The following ANKRD22 variants were observed in gnomAD, a reference collection of about 807,000 sequenced individuals.
ANKRD22 encodes ankyrin repeat domain-containing protein 22.
Under a neutral mutation model 25.7 loss-of-function variants are expected in ANKRD22, and 24 were observed. That is an observed-to-expected ratio of 0.93 (90% CI 0.68 to 1.31). The LOEUF is 1.31. Among genes scored for constraint, ANKRD22 ranks in the 50% most tolerant of loss-of-function variants. The pLI is 0.00. For missense variants in ANKRD22, 214 were observed against 227.1 expected (o/e 0.94, Z 0.37); for synonymous variants, 84 against 84.3 (o/e 1.00, Z 0.02).
At chr10:88,826,143 GCTTATTTACAAATAGTTTCT>G in intron 3 of ANKRD22, 28 bp from the exon 4 acceptor site, 2 of 1,553,268 alleles carry the variant, frequency 1.3e-6, no homozygotes, top group Non-Finnish European at 1.8e-6. Flanking sequence ...TATAAGAAAG[GCTTATTTACAAATAGTTTCT>G]CCAATTTATG....
rs1843858011 is a variant in ANKRD22, at chr10:88,826,542, C to A, written c.322-427G>T. Reference sequence around the variant, plus strand: ...TGGCCCTGCCCTGGCCTCTCTCTCACTCTGCGCCTCCTGGCTCACTCTGTT... The same window carrying A: ...TGGCCCTGCCCTGGCCTCTCTCTCAATCTGCGCCTCCTGGCTCACTCTGTT... On this transcript the variant is annotated intron_variant, in intron 3 of 5. Coordinates refer to ENST00000371930, the MANE Select transcript of ANKRD22 (RefSeq NM_144590.3). 2.0e-5 allele frequency among the ~76,000 whole-genome samples: 3 copies of A among 152,234 alleles called. No homozygotes were observed. In the South Asian group the frequency reaches 6.2e-4, roughly 31 times the overall value.
chr10:88,832,533 T>C lies in ANKRD22; in HGVS notation c.22-507A>G, dbSNP rs572628727. Among the ~76,000 whole-genome samples the C allele has an allele frequency of 2.6e-4, 39 of 152,038 alleles. No homozygotes were observed. In the South Asian group the frequency reaches 7.5e-3, roughly 29 times the overall value. On this transcript the variant is annotated intron_variant, in intron 1 of 5. Coordinates refer to ENST00000371930, the MANE Select transcript of ANKRD22 (RefSeq NM_144590.3). ...TCTTTATCTTTATCTTTACTAAAGA[T>C]AAAATGTCTTTATCTTTATCTTTAC...
In ANKRD22 at chr10:88,837,952, T is replaced by A. The variant is rs534411424; in HGVS notation, c.22-5926A>T. 2.0e-5 allele frequency among the ~76,000 whole-genome samples: 3 copies of A among 152,230 alleles called. No individual in the cohort carries two copies. In the South Asian group the frequency reaches 6.2e-4, roughly 32 times the overall value. On this transcript the variant is annotated intron_variant, in intron 1 of 5. Coordinates refer to ENST00000371930, the MANE Select transcript of ANKRD22 (RefSeq NM_144590.3). ...ATTGTGAGTCAATTAAACTTCTTCC[T>A]TTATAAATTACCCAGTCTTGGGTAT...
intron 3 of ANKRD22, among the ~76,000 whole-genome samples, chr10:88,828,282 T>G (rs1218553897): frequency 6.6e-6 from 1 of 152,220 alleles, no homozygotes; most frequent in Non-Finnish European, 1.5e-5. Context: ...AGAATTTTTT[T>G]GCTCCCTTCA....
rs1843811657 is a variant in ANKRD22, at chr10:88,822,653, G to A, written c.*288C>T. On this transcript the variant is annotated 3_prime_UTR_variant, in exon 6 of 6. Transcript: ENST00000371930. The stretch of plus-strand genomic sequence containing the variant: ...CCACCTCAGCCTCCCAAGTAGCTGG[G>A]ATTACAGGCATGTACCACTGTGCCT... The A allele has an allele frequency of 4.6e-6, 1 of 219,642 alleles. No homozygotes were observed. Among genetic ancestry groups the A allele is most frequent in the Admixed American group, 5.8e-5 (1 of 17,228 alleles). 13.6% of individuals were successfully genotyped at this position (219,642 alleles called of 1,614,324 possible). A position where few individuals can be genotyped will look rare whatever the true frequency, so the allele number is the denominator to read the frequency against.
intron 1 of ANKRD22, among the ~76,000 whole-genome samples, chr10:88,847,449 G>A (rs1300618602): frequency 6.6e-6 from 1 of 152,042 alleles, no homozygotes; most frequent in Non-Finnish European, 1.5e-5. Flanking sequence ...AGTAGAGACA[G>A]GGTTTCACCT....
intron 1 of ANKRD22, among the ~76,000 whole-genome samples, chr10:88,848,988 T>TTGTGTG (rs1844078522): frequency 6.9e-6 from 1 of 144,564 alleles, no homozygotes; most frequent in African/African-American, 2.5e-5. Context: ...AATTTTAAGT[T>TTGTGTG]TGTGTGTGTG....
chr10:88,832,363 T>C (rs532552056), intron 1 of ANKRD22, among the ~76,000 whole-genome samples: 2 of 152,228 alleles, frequency 1.3e-5, no homozygotes, highest in Admixed American at 6.5e-5. Flanking sequence ...AAAGCATTCA[T>C]TTTCTTTACT....
In ANKRD22 at chr10:88,851,721, C is replaced by A. The variant is rs1844106736; in HGVS notation, c.-114G>T. 2.3e-6 allele frequency: 3 copies of A among 1,278,748 alleles called. No homozygotes were observed. Among genetic ancestry groups the A allele is most frequent in the African/African-American group, 2.9e-5 (2 of 68,244 alleles). 79.2% of individuals were successfully genotyped at this position (1,278,748 alleles called of 1,614,324 possible). A position where few individuals can be genotyped will look rare whatever the true frequency, so the allele number is the denominator to read the frequency against. ...AGAGGAAAGTCCCTAGAAGTCCAAG[C>A]TGGTGGCAAGCTCCAGGAGTGCTTT... is the stretch of plus-strand genomic sequence containing the variant. On this transcript the variant is annotated 5_prime_UTR_variant, in exon 1 of 6. Coordinates refer to ENST00000371930, the MANE Select transcript of ANKRD22 (RefSeq NM_144590.3).
In ANKRD22 at chr10:88,820,590, T is replaced by C; in HGVS notation, c.*2351A>G. ...AGAATTACGGAGAGCAGAGACCTAG[T>C]ATACATTTTTCAGATTCCCTGCACT... On this transcript the variant is annotated 3_prime_UTR_variant, in exon 6 of 6. Coordinates refer to ENST00000371930, the MANE Select transcript of ANKRD22 (RefSeq NM_144590.3). 7.7e-7 allele frequency: 1 copy of C among 1,297,378 alleles called. No homozygotes were observed. The highest frequency in any genetic ancestry group is 1.0e-6 in the Non-Finnish European group (1 of 969,984). The allele number at this position is 1,297,378 out of a possible 1,614,324, so 80.4% of individuals were successfully genotyped here. A position where few individuals can be genotyped will look rare whatever the true frequency, so the allele number is the denominator to read the frequency against.
chr10:88,823,022 AG>A lies in ANKRD22; in HGVS notation c.499-5del, dbSNP rs757759127. On this transcript the variant is annotated splice_polypyrimidine_tract_variant and splice_region_variant and intron_variant, in intron 5 of 5. Transcript: ENST00000371930. ...TATCCAGTGAGCTCTCACCATGCTG[AG>A]GGGGGAAAAATATACAGTTATTTCC... 14 of 1,611,930 alleles carry A rather than the reference AG, an allele frequency of 8.7e-6. No individual in the cohort carries two copies. In the Admixed American group the frequency reaches 1.5e-4, roughly 17 times the overall value.
chr10:88,826,245 A>C, intron 3 of ANKRD22, 130 bp from the exon 4 acceptor site: 1 of 698,602 alleles, frequency 1.4e-6, no homozygotes, highest in Non-Finnish European at 2.3e-6. Context: ...CCTTCCTAAA[A>C]TTTCCCCCAG....
Position 88,831,906 on chromosome 10 carries a change from A to C in ANKRD22, c.142T>G (p.Cys48Gly), listed in dbSNP as rs1843907098. 6.2e-7 allele frequency: 1 copy of C among 1,613,670 alleles called. No individual in the cohort carries two copies. Among genetic ancestry groups the C allele is most frequent in the Non-Finnish European group, 8.5e-7 (1 of 1,179,850 alleles). Residue 48 changes from cysteine to glycine, a missense_variant, in exon 2 of 6, where the codon TGC becomes GGC. Cys to Gly is a radical substitution (Grantham distance 159). Transcript: ENST00000371930. ...FNGDTPLICA[C>G]RRGHVRIVSF... is the part of the protein sequence containing the mutation. ...ACGATTCTCACATGCCCTCGCCTGC[A>C]AGCACAGATCAGGGGCGTGTCTCCA...
At chr10:88,848,827 G>C (rs1021542048) in intron 1 of ANKRD22, among the ~76,000 whole-genome samples, 11 of 152,066 alleles carry the variant, frequency 7.2e-5, no homozygotes, top group Non-Finnish European at 1.6e-4. Flanking sequence ...CTCCTCAACT[G>C]TACCAGCTTT....
intron 1 of ANKRD22, among the ~76,000 whole-genome samples, chr10:88,833,229 C>T (rs368686337): frequency 4.0e-4 from 60 of 151,712 alleles, no homozygotes; most frequent in African/African-American, 1.4e-3. Context: ...GAGGCAAACA[C>T]TGAATATTTT....
At chr10:88,840,003 G>A (rs1379021693) in intron 1 of ANKRD22, among the ~76,000 whole-genome samples, 2 of 152,122 alleles carry the variant, frequency 1.3e-5, no homozygotes, top group Admixed American at 6.5e-5. Context: ...CTCTGCAAAG[G>A]TAAAAGAAAC....
At chr10:88,828,350 T>C (rs1843873744) in intron 3 of ANKRD22, among the ~76,000 whole-genome samples, 1 of 152,250 alleles carries the variant, frequency 6.6e-6, no homozygotes, top group African/African-American at 2.4e-5. Context: ...TGGATTATGT[T>C]ACCATTGATT....
chr10:88,844,563 T>A (rs1398297224), intron 1 of ANKRD22, among the ~76,000 whole-genome samples: 1 of 152,102 alleles, frequency 6.6e-6, no homozygotes, highest in African/African-American at 2.4e-5. Context: ...GAGCTATGTA[T>A]CAAGAGCTGT....
intron 1 of ANKRD22, among the ~76,000 whole-genome samples, chr10:88,844,572 G>A (rs1844031134): frequency 6.6e-6 from 1 of 151,960 alleles, no homozygotes; most frequent in African/African-American, 2.4e-5. Context: ...ATCAAGAGCT[G>A]TTTCTATAAC....
Sources: allele counts gnomAD v4.1 joint callset (sites outside exome capture counted in the v4.1 genomes callset), GRCh38; gene constraint gnomAD v4.1.1; transcripts MANE v1.5; gene names NCBI Gene and HGNC (gene_info 2026-07-23, HGNC 2026-07-21).